EPHX2: variants seen among roughly 807,000 people sequenced by gnomAD.
EPHX2 encodes the protein bifunctional epoxide hydrolase 2.
In EPHX2, 74 loss-of-function variants were observed where a neutral mutation model predicts 78.7. The ratio of observed to expected loss-of-function variants is 0.94; its 90% confidence interval spans 0.78 to 1.14. The LOEUF (loss-of-function observed/expected upper bound fraction) is 1.14, where lower values mean the gene tolerates loss of function less well. Ranked by LOEUF, EPHX2 falls within the 50% of genes most tolerant of loss-of-function variation. The probability of loss-of-function intolerance (pLI) is 0.00; values close to 1 mark genes in which losing one functional copy is unlikely to be tolerated. For synonymous variants in EPHX2, 251 were observed against 255.2 expected (o/e 0.98, Z 0.16); for missense variants, 715 against 702.5 (o/e 1.02, Z -0.20).
intron 7 of EPHX2, 65 bp from the exon 8 acceptor site, chr8:27,516,255 G>A: frequency 6.9e-7 from 1 of 1,454,222 alleles, no homozygotes; most frequent in South Asian, 1.2e-5. Flanking sequence ...ATGGAGGGAA[G>A]CAAAGAGGGA....
intron 12 of EPHX2, among the ~76,000 whole-genome samples, chr8:27,526,428 G>A (rs948237633): frequency 6.6e-5 from 10 of 152,224 alleles, no homozygotes; most frequent in African/African-American, 2.4e-4. Flanking sequence ...CTGTGCCACA[G>A]CCTGGTGTGT....
At chr8:27,548,083 A>G (rs980111109), downstream of EPHX2, among the ~76,000 whole-genome samples, 9 of 152,182 alleles carry the variant, frequency 5.9e-5, no homozygotes, top group East Asian at 1.9e-4. Context: ...GATCACTCAC[A>G]TATTCTGTCA....
At chr8:27,515,840 A>C (rs770910649) in intron 7 of EPHX2, 27 bp downstream of exon 7, 7 of 1,599,938 alleles carry the variant, frequency 4.4e-6, no homozygotes, top group Non-Finnish European at 5.1e-6. Context: ...AGATGCAGCC[A>C]GTCAGGGTGA....
chr8:27,496,852 C>T (rs1813591093), intron 1 of EPHX2, among the ~76,000 whole-genome samples: 1 of 152,088 alleles, frequency 6.6e-6, no homozygotes, highest in Non-Finnish European at 1.5e-5. Context: ...GGGTTGATTC[C>T]CTCCTCAAGT....
intron 1 of EPHX2, among the ~76,000 whole-genome samples, chr8:27,499,581 T>G (rs1420534013): frequency 6.6e-6 from 1 of 152,218 alleles, no homozygotes; most frequent in Non-Finnish European, 1.5e-5. Flanking sequence ...CCACTTCAAC[T>G]GGAATTCATC....
At chr8:27,521,913 C>G (rs1044945791) in intron 10 of EPHX2, among the ~76,000 whole-genome samples, 2 of 152,168 alleles carry the variant, frequency 1.3e-5, no homozygotes, top group African/African-American at 4.8e-5. Flanking sequence ...TGTTAAGTGA[C>G]ACGTGGCTAT....
At chr8:27,541,629 C>T in intron 16 of EPHX2, 87 bp downstream of exon 16, 2 of 1,432,996 alleles carry the variant, frequency 1.4e-6, no homozygotes. Context: ...ATGACCTGGG[C>T]CAGAGCTGGT....
chr8:27,509,010 A>G (rs1404569300), intron 5 of EPHX2, among the ~76,000 whole-genome samples: 1 of 115,474 alleles, frequency 8.7e-6, no homozygotes, highest in African/African-American at 3.5e-5. Flanking sequence ...TTCAGCTGCT[A>G]CCTACAGCAG....
chr8:27,507,740 T>C (rs563713044), intron 5 of EPHX2, among the ~76,000 whole-genome samples: 2 of 152,262 alleles, frequency 1.3e-5, no homozygotes, highest in African/African-American at 2.4e-5. Flanking sequence ...ACAACAGACA[T>C]GTATTTTCTC....
At position 27,521,090 on chromosome 8, in the gene EPHX2, C is replaced by T. The variant is rs72475871; in HGVS notation, c.972+181C>T. ...AAACAATGACAAAGAGCAAGGATTG[C>T]GTGGAGAACAGGATGGAGATGAGCT... On this transcript the variant is annotated intron_variant, in intron 10 of 18. Coordinates refer to ENST00000521400, the MANE Select transcript of EPHX2 (RefSeq NM_001979.6). 3.0e-4 allele frequency among the ~76,000 whole-genome samples: 46 copies of T among 152,190 alleles called. No homozygotes were observed. The South Asian group carries it at 3.1e-3, about 10-fold the overall frequency.
intron 17 of EPHX2, 31 bp downstream of exon 17, chr8:27,543,860 A>G: frequency 6.2e-7 from 1 of 1,611,648 alleles, no homozygotes; most frequent in Non-Finnish European, 8.5e-7. Context: ...AAGGGTCATC[A>G]GTGCACCCCG....
intron 17 of EPHX2, 108 bp from the exon 18 acceptor site, chr8:27,544,078 G>C: frequency 1.5e-6 from 2 of 1,311,470 alleles, no homozygotes; most frequent in Non-Finnish European, 2.2e-6. Flanking sequence ...GTTTGGGCAG[G>C]GTGGCCTGCG....
intron 15 of EPHX2, 137 bp from the exon 16 acceptor site, chr8:27,541,336 G>A: frequency 1.2e-6 from 1 of 866,890 alleles, no homozygotes; most frequent in African/African-American, 1.7e-5. Flanking sequence ...GTGGGTCCTG[G>A]GCTCTATTCT....
At chr8:27,499,998 C>G (rs1813706157) in intron 1 of EPHX2, among the ~76,000 whole-genome samples, 1 of 152,186 alleles carries the variant, frequency 6.6e-6, no homozygotes, top group Non-Finnish European at 1.5e-5. Flanking sequence ...CAGTCACATC[C>G]TGAGGTATTG....
intron 11 of EPHX2, among the ~76,000 whole-genome samples, chr8:27,522,962 C>CAAAA (rs539360462): frequency 6.4e-4 from 40 of 62,656 alleles, no homozygotes; most frequent in African/African-American, 2.2e-3. Context: ...ACTCCGTTTC[C>CAAAA]AAAAAAAAAA....
intron 10 of EPHX2, 133 bp downstream of exon 10, chr8:27,521,042 G>T (rs186732399): frequency 6.2e-5 from 59 of 956,700 alleles, no homozygotes; most frequent in African/African-American, 5.2e-4. Context: ...GGGCAGAGTG[G>T]GCATGGGCAG....
At chr8:27,494,298 C>T (rs1813494008) in intron 1 of EPHX2, among the ~76,000 whole-genome samples, 1 of 152,180 alleles carries the variant, frequency 6.6e-6, no homozygotes, top group African/African-American at 2.4e-5. Flanking sequence ...TTCGTGGTCA[C>T]AAGGTCTTGT....
chr8:27,521,854 T>C (rs1007509789), intron 10 of EPHX2, among the ~76,000 whole-genome samples: 2 of 152,218 alleles, frequency 1.3e-5, no homozygotes, highest in Non-Finnish European at 2.9e-5. Context: ...CGCTCTGTGA[T>C]GTTTGTGTGA....
At chr8:27,538,265 A>C (rs928475892) in intron 13 of EPHX2, among the ~76,000 whole-genome samples, 1 of 152,170 alleles carries the variant, frequency 6.6e-6, no homozygotes, top group East Asian at 1.9e-4. Context: ...AGCATGTCAG[A>C]GACCCCAGAT....
Sources: gnomAD v4.1 joint callset for allele counts (sites outside exome capture counted in the v4.1 genomes callset) on GRCh38, gnomAD v4.1.1 for gene constraint, MANE v1.5 for transcripts, NCBI Gene and HGNC (gene_info 2026-07-23, HGNC 2026-07-21) for gene names.